The following TUSC3 variants were observed in gnomAD, a reference collection of about 807,000 sequenced individuals.
TUSC3 encodes tumor suppressor candidate 3.
In TUSC3, 45 loss-of-function variants were observed where a neutral mutation model predicts 44.8. The observed-to-expected ratio is 1.00, with a 90% CI of 0.79 to 1.29. The LOEUF (loss-of-function observed/expected upper bound fraction) is 1.29, where lower values mean the gene tolerates loss of function less well. Ranked by LOEUF, TUSC3 falls within the 50% of genes most tolerant of loss-of-function variation. TUSC3 has a pLI of 0.00. For synonymous variants in TUSC3, 212 were observed against 152.9 expected, an observed-to-expected ratio of 1.39 and a Z score of -2.85; for missense variants, 519 against 437.9, an observed-to-expected ratio of 1.19 and a Z score of -1.65.
intron 1 of TUSC3, among the ~76,000 whole-genome samples, chr8:15,573,550 C>T (rs997191171): frequency 2.0e-5 from 3 of 151,866 alleles, no homozygotes; most frequent in Admixed American, 1.3e-4. Context: ...GTCTCTCCTT[C>T]CCCCCTCATC....
At chr8:15,500,220 C>G (rs968751966) in intron 2 of TUSC3, among the ~76,000 whole-genome samples, 1 of 152,104 alleles carries the variant, frequency 6.6e-6, no homozygotes, top group African/African-American at 2.4e-5. Flanking sequence ...GGCTGAAAGT[C>G]TCTGTATGTC....
chr8:15,719,157 C>A (rs999336135), intron 6 of TUSC3, among the ~76,000 whole-genome samples: 1 of 152,062 alleles, frequency 6.6e-6, no homozygotes, highest in African/African-American at 2.4e-5. Flanking sequence ...TTCTTACAGT[C>A]TTGCTTTTAT....
intron 6 of TUSC3, 111 bp downstream of exon 6, chr8:15,673,947 T>C (rs1311249140): frequency 1.1e-6 from 1 of 898,920 alleles, no homozygotes; most frequent in African/African-American, 1.7e-5. Context: ...TCAGTCAAAA[T>C]ATATATTCTT....
chr8:15,687,114 T>G (rs1465581827), intron 6 of TUSC3, among the ~76,000 whole-genome samples: 1 of 152,176 alleles, frequency 6.6e-6, no homozygotes, highest in African/African-American at 2.4e-5. Flanking sequence ...CAAGAGTAAT[T>G]GACATACATT....
the TUSC3 span, among the ~76,000 whole-genome samples, chr8:15,774,320 A>C: frequency 6.6e-6 from 1 of 152,136 alleles, no homozygotes; most frequent in Non-Finnish European, 1.5e-5. Context: ...TGCAAATGTA[A>C]TTAGTTAAGA....
intron 6 of TUSC3, among the ~76,000 whole-genome samples, chr8:15,714,331 C>G (rs190746703): frequency 6.6e-6 from 1 of 151,800 alleles, no homozygotes; most frequent in Non-Finnish European, 1.5e-5. Context: ...TTTTTGAACC[C>G]CAATTTTGTT....
intron 2 of TUSC3, among the ~76,000 whole-genome samples, chr8:15,626,763 GC>G (rs931910536): frequency 1.1e-4 from 17 of 152,318 alleles, no homozygotes; most frequent in African/African-American, 3.6e-4. Flanking sequence ...GAGCTGACAT[GC>G]CAGCCCCCTG....
chr8:15,551,616 T>C (rs1802062917), intron 1 of TUSC3, among the ~76,000 whole-genome samples: 2 of 151,782 alleles, frequency 1.3e-5, no homozygotes, highest in Non-Finnish European at 2.9e-5. Context: ...TAAGCTACTT[T>C]TGTTCATTGC....
chr8:15,571,443 T>C (rs907134319), intron 1 of TUSC3, among the ~76,000 whole-genome samples: 6 of 152,184 alleles, frequency 3.9e-5, no homozygotes, highest in Non-Finnish European at 5.9e-5. Context: ...AAATGTGCAA[T>C]AGCACTCTGT....
chr8:15,817,041 A>T, the TUSC3 span, among the ~76,000 whole-genome samples: 49,415 of 152,026 alleles, frequency 0.33, 8,602 homozygotes, highest in African/African-American at 0.44. Context: ...CTTGCTTTTT[A>T]AAAAAAAATC....
At chr8:15,538,288 C>G (rs902069624), upstream of TUSC3, among the ~76,000 whole-genome samples, 1 of 152,210 alleles carries the variant, frequency 6.6e-6, no homozygotes. Flanking sequence ...TTTCTGAACA[C>G]TTCTGGTTCA....
chr8:15,567,407 C>G (rs1171297276), intron 1 of TUSC3, among the ~76,000 whole-genome samples: 2 of 152,110 alleles, frequency 1.3e-5, no homozygotes, highest in Non-Finnish European at 1.5e-5. Context: ...CATTATATAT[C>G]TTCAAATCAT....
chr8:15,807,239 G>C, the TUSC3 span: 1 of 652,380 alleles, frequency 1.5e-6, no homozygotes, highest in Non-Finnish European at 2.8e-6. Flanking sequence ...CCCACCCCCA[G>C]GCATTATGCT....
chr8:15,496,017 C>T (rs985808595), intron 2 of TUSC3, among the ~76,000 whole-genome samples: 15 of 152,184 alleles, frequency 9.9e-5, no homozygotes, highest in African/African-American at 3.6e-4. Context: ...GTGGCCTCTA[C>T]TGTTCCAGAA....
At chr8:15,599,742 T>C (rs1804207723) in intron 1 of TUSC3, among the ~76,000 whole-genome samples, 1 of 150,148 alleles carries the variant, frequency 6.7e-6, no homozygotes, top group African/African-American at 2.4e-5. Flanking sequence ...ATTATGTCAG[T>C]CTGTTTCTTA....
At chr8:15,450,465 C>T (rs1433624470) in intron 1 of TUSC3, among the ~76,000 whole-genome samples, 1 of 152,114 alleles carries the variant, frequency 6.6e-6, no homozygotes, top group Non-Finnish European at 1.5e-5. Context: ...GCAGGCAGAT[C>T]ACAAGGTCAG....
At chr8:15,428,436 G>C (rs948122701) in intron 1 of TUSC3, among the ~76,000 whole-genome samples, 12 of 152,012 alleles carry the variant, frequency 7.9e-5, no homozygotes, top group African/African-American at 2.9e-4. Flanking sequence ...ACATACGTGT[G>C]CATGTGTCTT....
chr8:15,593,641 A>G (rs1803945615), intron 1 of TUSC3, among the ~76,000 whole-genome samples: 1 of 152,162 alleles, frequency 6.6e-6, no homozygotes, highest in African/African-American at 2.4e-5. Context: ...CCGCATAGCC[A>G]TAATTTTTCC....
chr8:15,463,772 C>G (rs1800378984), intron 1 of TUSC3, among the ~76,000 whole-genome samples: 1 of 152,184 alleles, frequency 6.6e-6, no homozygotes, highest in African/African-American at 2.4e-5. Flanking sequence ...TTCGTCGCTT[C>G]TCTACAACCA....
Sources: allele counts gnomAD v4.1 joint callset (sites outside exome capture counted in the v4.1 genomes callset), GRCh38; gene constraint gnomAD v4.1.1; transcripts MANE v1.5; gene names NCBI Gene and HGNC (gene_info 2026-07-23, HGNC 2026-07-21).